DGKI: variants seen among roughly 807,000 people sequenced by gnomAD.
DGKI encodes the protein DAG kinase iota.
A neutral mutation model predicts 147.5 loss-of-function variants in DGKI; 55 were observed. That is an observed-to-expected ratio of 0.37 (90% CI 0.30 to 0.47). DGKI has a LOEUF of 0.47. Ranked by LOEUF, DGKI falls within the 20% of genes least tolerant of loss-of-function variation. DGKI has a pLI of 1.00. For synonymous variants in DGKI, 469 were observed against 477.1 expected, an observed-to-expected ratio of 0.98 and a Z score of 0.22; for missense variants, 1,007 against 1,323.8, an observed-to-expected ratio of 0.76 and a Z score of 3.71.
At chr7:137,630,280 CATTTTTTTACCCCTCTGT>C (rs1380530176) in intron 6 of DGKI, among the ~76,000 whole-genome samples, 2 of 152,096 alleles carry the variant, frequency 1.3e-5, no homozygotes, top group Non-Finnish European at 2.9e-5. Flanking sequence ...CATAGATTGA[CATTTTTTTACCCCTCTGT>C]ATTCTAAATT....
At chr7:137,638,540 G>GTA (rs1402051689) in intron 6 of DGKI, among the ~76,000 whole-genome samples, 11 of 94,898 alleles carry the variant, frequency 1.2e-4, no homozygotes, top group African/African-American at 2.9e-4. Flanking sequence ...ACACATATAT[G>GTA]TATATATATG....
chr7:137,833,482 A>G (rs950237273), intron 1 of DGKI, among the ~76,000 whole-genome samples: 2 of 152,166 alleles, frequency 1.3e-5, no homozygotes, highest in South Asian at 2.1e-4. Flanking sequence ...ACGCATCCTC[A>G]TACTTCAATT....
intron 31 of DGKI, 119 bp from the exon 32 acceptor site, chr7:137,395,816 TG>T (rs1329241888): frequency 1.9e-5 from 16 of 826,374 alleles, no homozygotes; most frequent in Non-Finnish European, 3.1e-5. Flanking sequence ...GCTGAGACTT[TG>T]GCTGTAGGGT....
At chr7:137,443,501 A>C (rs1233368108) in intron 28 of DGKI, among the ~76,000 whole-genome samples, 1 of 152,232 alleles carries the variant, frequency 6.6e-6, no homozygotes, top group Non-Finnish European at 1.5e-5. Flanking sequence ...TGGATAAATG[A>C]ACAACTCCAA....
At chr7:137,525,554 A>G (rs1374033131) in intron 20 of DGKI, among the ~76,000 whole-genome samples, 2 of 152,192 alleles carry the variant, frequency 1.3e-5, no homozygotes, top group Non-Finnish European at 2.9e-5. Context: ...CTGGATTTGA[A>G]GTAAAGTTCT....
intron 6 of DGKI, among the ~76,000 whole-genome samples, chr7:137,627,443 A>C (rs761150486): frequency 1.3e-5 from 2 of 152,210 alleles, no homozygotes; most frequent in Admixed American, 6.5e-5. Context: ...ATTGAACAAA[A>C]AGTTGCTGCT....
chr7:137,622,891 C>A (rs1471522789), intron 7 of DGKI, among the ~76,000 whole-genome samples: 1 of 152,130 alleles, frequency 6.6e-6, no homozygotes, highest in Non-Finnish European at 1.5e-5. Context: ...ACCATCAGAT[C>A]CTAATGAGTA....
chr7:137,757,873 C>T (rs2116789639), intron 1 of DGKI, among the ~76,000 whole-genome samples: 1 of 152,168 alleles, frequency 6.6e-6, no homozygotes, highest in East Asian at 1.9e-4. Context: ...AGATATTTCT[C>T]TAAAAAGTAG....
rs1444127536 is a variant in DGKI at position 137,469,557 on chromosome 7, G to A, written c.2436C>T (p.Phe812=). Residue 812 remains phenylalanine (F), a synonymous_variant, in exon 24 of 33, where the codon TTC becomes TTT. Coordinates refer to ENST00000614521, the MANE Select transcript of DGKI (RefSeq NM_001321708.2). ...SAQRLSPRWC[F]LDATSADRFY... ...AAGAAAGGCAGAACTCACCATCTAG[G>A]AAGCACCACCGAGGAGAGAGCCTCT... The A allele has an allele frequency of 6.2e-7, 1 of 1,613,858 alleles. No individual in the cohort carries two copies. The highest frequency in any genetic ancestry group is 1.1e-5 in the South Asian group (1 of 91,046).
At chr7:137,484,904 G>A (rs1815500411) in intron 23 of DGKI, among the ~76,000 whole-genome samples, 1 of 151,964 alleles carries the variant, frequency 6.6e-6, no homozygotes, top group Admixed American at 6.6e-5. Context: ...CATAGTCCTG[G>A]TTGCTAATGG....
chr7:137,818,321 T>G (rs1427721238), intron 1 of DGKI, among the ~76,000 whole-genome samples: 1 of 152,192 alleles, frequency 6.6e-6, no homozygotes, highest in Non-Finnish European at 1.5e-5. Flanking sequence ...ACCACACAAG[T>G]GCACTCCTCA....
At chr7:137,486,321 A>G (rs1470229820) in intron 22 of DGKI, among the ~76,000 whole-genome samples, 1 of 152,120 alleles carries the variant, frequency 6.6e-6, no homozygotes, top group African/African-American at 2.4e-5. Context: ...TCTACTGTGA[A>G]GTCTTGTTAA....
At chr7:137,752,286 C>T (rs1450940522) in intron 1 of DGKI, among the ~76,000 whole-genome samples, 1 of 151,982 alleles carries the variant, frequency 6.6e-6, no homozygotes, top group Non-Finnish European at 1.5e-5. Context: ...AGTCAGATCT[C>T]ACAATCCCTA....
At chr7:137,763,491 T>C (rs967617147) in intron 1 of DGKI, among the ~76,000 whole-genome samples, 2 of 152,236 alleles carry the variant, frequency 1.3e-5, no homozygotes, top group African/African-American at 2.4e-5. Flanking sequence ...ACTCATCTCC[T>C]GTCCAACGAC....
Position 137,382,196 on chromosome 7 carries a change from T to A in DGKI, c.*9024A>T, listed in dbSNP as rs923730248. ...ATCCTATCTGTATGTGTGTGTTTTA[T>A]AAGTGAAGAGTAAAGACAATTTGTA... On this transcript the variant is annotated 3_prime_UTR_variant, in exon 33 of 33. Transcript: ENST00000614521. 2.0e-5 allele frequency: 3 copies of A among 152,122 alleles called. No homozygotes were observed. Among genetic ancestry groups the A allele is most frequent in the African/African-American group, 7.2e-5 (3 of 41,434 alleles). 9.4% of individuals were successfully genotyped at this position (152,122 alleles called of 1,614,324 possible).
At chr7:137,519,015 A>G (rs1254807546) in intron 21 of DGKI, among the ~76,000 whole-genome samples, 4 of 151,972 alleles carry the variant, frequency 2.6e-5, no homozygotes, top group Admixed American at 2.6e-4. Flanking sequence ...AACCACAACT[A>G]TTATCTGAGG....
At chr7:137,443,065 T>G (rs1317394205) in intron 28 of DGKI, among the ~76,000 whole-genome samples, 3 of 151,968 alleles carry the variant, frequency 2.0e-5, no homozygotes, top group Non-Finnish European at 4.4e-5. Flanking sequence ...CTCCAGAAAT[T>G]TGATGTAGAA....
chr7:137,681,906 A>G (rs1370749516), intron 2 of DGKI, among the ~76,000 whole-genome samples: 4 of 152,378 alleles, frequency 2.6e-5, no homozygotes, highest in African/African-American at 7.2e-5. Flanking sequence ...TGTCAACCAA[A>G]TGGGCAGTCA....
intron 20 of DGKI, among the ~76,000 whole-genome samples, chr7:137,540,511 A>C (rs1817651774): frequency 6.6e-6 from 1 of 152,040 alleles, no homozygotes; most frequent in Non-Finnish European, 1.5e-5. Flanking sequence ...AGGTCAACAT[A>C]TAAAACTCCA....
Sources: allele counts gnomAD v4.1 joint callset (sites outside exome capture counted in the v4.1 genomes callset), GRCh38; gene constraint gnomAD v4.1.1; transcripts MANE v1.5; gene names NCBI Gene and HGNC (gene_info 2026-07-23, HGNC 2026-07-21).